Variants in ERBB4 observed in about 807,000 individuals in gnomAD.
The protein encoded by ERBB4 is erb-b2 receptor tyrosine kinase 4.
ERBB4 carries 42 observed loss-of-function variants against 158.0 expected under a neutral mutation model. The ratio of observed to expected loss-of-function variants is 0.27; its 90% CI spans 0.21 to 0.34. The LOEUF (loss-of-function observed/expected upper bound fraction) is 0.34. Ranked by LOEUF, ERBB4 falls within the 10% of genes least tolerant of loss-of-function variation. The pLI, the probability that ERBB4 is intolerant of heterozygous loss-of-function variation, is 1.00. For synonymous variants in ERBB4, 583 were observed against 558.7 expected (o/e 1.04, Z -0.61); for missense variants, 1,333 against 1,624.1 (o/e 0.82, Z 3.08).
intron 1 of ERBB4, among the ~76,000 whole-genome samples, chr2:212,500,335 A>G (rs2106236973): frequency 6.6e-6 from 1 of 152,218 alleles, no homozygotes; most frequent in East Asian, 1.9e-4. Context: ...AACCCACTCC[A>G]GATAATTGGC....
chr2:211,737,241 T>C (rs1443847248), intron 5 of ERBB4, among the ~76,000 whole-genome samples: 1 of 152,044 alleles, frequency 6.6e-6, no homozygotes, highest in African/African-American at 2.4e-5. Context: ...AACACACAAT[T>C]AAAAGTAATT....
At chr2:211,567,321 A>G (rs1332517326) in intron 19 of ERBB4, among the ~76,000 whole-genome samples, 1 of 152,148 alleles carries the variant, frequency 6.6e-6, no homozygotes, top group Non-Finnish European at 1.5e-5. Context: ...AGACAGCCCC[A>G]AGCACCTCAC....
intron 1 of ERBB4, among the ~76,000 whole-genome samples, chr2:212,278,237 T>C (rs1009478330): frequency 6.6e-6 from 1 of 151,806 alleles, no homozygotes; most frequent in Non-Finnish European, 1.5e-5. Context: ...AGCTGCAATC[T>C]GTAGAAATTG....
chr2:212,195,824 A>G (rs572791094), intron 1 of ERBB4, among the ~76,000 whole-genome samples: 2 of 152,290 alleles, frequency 1.3e-5, no homozygotes, highest in African/African-American at 4.8e-5. Context: ...ACCAGAACCA[A>G]GGGAATACAT....
At chr2:212,320,514 G>GAAAAA (rs11382159) in intron 1 of ERBB4, among the ~76,000 whole-genome samples, 3 of 141,718 alleles carry the variant, frequency 2.1e-5, no homozygotes, top group South Asian at 2.3e-4. Context: ...TTACATGACA[G>GAAAAA]AAAAAAAAAA....
chr2:212,271,181 G>T (rs1316578975), intron 1 of ERBB4, among the ~76,000 whole-genome samples: 1 of 151,000 alleles, frequency 6.6e-6, no homozygotes, highest in African/African-American at 2.4e-5. Flanking sequence ...GATGACAGAG[G>T]CAATACCTGA....
chr2:212,153,187 TATAA>T (rs1421244476), intron 1 of ERBB4, among the ~76,000 whole-genome samples: 2 of 152,236 alleles, frequency 1.3e-5, no homozygotes, highest in Non-Finnish European at 2.9e-5. Context: ...GCATCTTCTC[TATAA>T]ATATGGCATT....
chr2:211,952,075 A>C (rs756681995), intron 2 of ERBB4, among the ~76,000 whole-genome samples: 4 of 152,126 alleles, frequency 2.6e-5, no homozygotes, highest in Non-Finnish European at 5.9e-5. Flanking sequence ...GTAGAGGGAC[A>C]CATGGAACTG....
intron 20 of ERBB4, among the ~76,000 whole-genome samples, chr2:211,528,318 A>AATAT (rs2066407368): frequency 6.6e-6 from 1 of 152,038 alleles, no homozygotes; most frequent in Admixed American, 6.5e-5. Flanking sequence ...AACAATCATA[A>AATAT]ATATATATGT....
chr2:211,809,640 G>T (rs1023244476), intron 3 of ERBB4, among the ~76,000 whole-genome samples: 4 of 152,090 alleles, frequency 2.6e-5, no homozygotes, highest in African/African-American at 9.7e-5. Flanking sequence ...CCAAAAACCA[G>T]GTCCTGGATT....
chr2:211,750,196 G>C (rs1466631005), intron 5 of ERBB4, among the ~76,000 whole-genome samples: 1 of 152,114 alleles, frequency 6.6e-6, no homozygotes, highest in Non-Finnish European at 1.5e-5. Context: ...CCCTGTGCCT[G>C]GAACAGTGCC....
chr2:212,407,411 A>G (rs1289358547), intron 1 of ERBB4, among the ~76,000 whole-genome samples: 4 of 152,028 alleles, frequency 2.6e-5, no homozygotes, highest in African/African-American at 9.7e-5. Context: ...CATTATTCCT[A>G]TTTTACAGAT....
intron 3 of ERBB4, among the ~76,000 whole-genome samples, chr2:211,839,195 G>C (rs1325775484): frequency 2.2e-5 from 2 of 92,880 alleles, no homozygotes; most frequent in East Asian, 6.4e-4. Context: ...GAGGAGGAGG[G>C]AAAGAAAGAA....
chr2:211,517,160 G>A (rs1049993153), intron 20 of ERBB4, among the ~76,000 whole-genome samples: 8 of 151,806 alleles, frequency 5.3e-5, no homozygotes, highest in Non-Finnish European at 1.5e-5. Flanking sequence ...TATGGTACTG[G>A]GAATTAAAAA....
chr2:212,395,604 C>A (rs2091000982), intron 1 of ERBB4, among the ~76,000 whole-genome samples: 1 of 143,714 alleles, frequency 7.0e-6, no homozygotes, highest in Non-Finnish European at 1.5e-5. Flanking sequence ...GAATAGCAAA[C>A]AGTTACACTC....
At chr2:211,424,048 T>C (rs1272739312) in intron 23 of ERBB4, 107 bp downstream of exon 23, 11 of 1,132,254 alleles carry the variant, frequency 9.7e-6, no homozygotes, top group Middle Eastern at 2.0e-4. Flanking sequence ...TAATTGTTTT[T>C]GAACTGTCGT....
intron 1 of ERBB4, among the ~76,000 whole-genome samples, chr2:212,264,956 G>A (rs980038566): frequency 7.2e-5 from 11 of 152,088 alleles, no homozygotes; most frequent in African/African-American, 2.7e-4. Context: ...AATGGAAGTG[G>A]AATTAGACTA....
intron 4 of ERBB4, among the ~76,000 whole-genome samples, chr2:211,772,906 T>TAC (rs1189385076): frequency 5.6e-4 from 28 of 49,920 alleles, no homozygotes; most frequent in South Asian, 1.2e-3. Context: ...CACATATATA[T>TAC]ATACACACAC....
chr2:212,350,370 C>CTAGTTTACTATGGAATAAATATTGT (rs1245580802), intron 1 of ERBB4, among the ~76,000 whole-genome samples: 1 of 152,038 alleles, frequency 6.6e-6, no homozygotes, highest in Non-Finnish European at 1.5e-5. Flanking sequence ...CCCTCTTTCC[C>CTAGTTTACTATGGAATAAATATTGT]TTAGTATGTT....
Sources: gnomAD v4.1 joint callset for allele counts (sites outside exome capture counted in the v4.1 genomes callset) on GRCh38, gnomAD v4.1.1 for gene constraint, MANE v1.5 for transcripts, NCBI Gene and HGNC (gene_info 2026-07-23, HGNC 2026-07-21) for gene names.